BCR: variants seen among roughly 807,000 people sequenced by gnomAD.
The protein encoded by BCR is BCR activator of RhoGEF and GTPase.
A neutral mutation model predicts 138.6 loss-of-function variants in BCR; 58 were observed. That is an observed-to-expected ratio of 0.42 (90% CI 0.34 to 0.52). The LOEUF (loss-of-function observed/expected upper bound fraction) is 0.52. BCR is among the 20% of genes least tolerant of loss of function. The probability of loss-of-function intolerance (pLI) is 0.06; values close to 1 mark genes in which losing one functional copy is unlikely to be tolerated. For missense variants in BCR, 1,599 were observed against 1,727.2 expected, an observed-to-expected ratio of 0.93 and a Z score of 1.32; for synonymous variants, 786 against 730.1, an observed-to-expected ratio of 1.08 and a Z score of -1.23.
chr22:23,299,646 CAT>C (rs2073882756), intron 16 of BCR, among the ~76,000 whole-genome samples: 1 of 151,692 alleles, frequency 6.6e-6, no homozygotes, highest in Admixed American at 6.6e-5. Context: ...ATAAAACATA[CAT>C]CTGTATCTGT....
chr22:23,197,838 G>A (rs1246974154), intron 1 of BCR, among the ~76,000 whole-genome samples: 3 of 151,932 alleles, frequency 2.0e-5, no homozygotes, highest in Non-Finnish European at 4.4e-5. Flanking sequence ...AATGGGGAGG[G>A]ATGGAGAGGA....
rs2074009358 is a variant in BCR, at chr22:23,311,680, A to C, written c.3183-17A>C. The C allele has an allele frequency of 6.3e-7, 1 of 1,578,390 alleles. No individual in the cohort carries two copies. The highest frequency in any genetic ancestry group is 1.1e-5 in the South Asian group (1 of 89,440). On this transcript the variant is annotated splice_polypyrimidine_tract_variant and intron_variant, in intron 18 of 22. Coordinates refer to ENST00000305877, the MANE Select transcript of BCR (RefSeq NM_004327.4). ...GCAGGGCTGTTAGGACACTGAGAAC[A>C]TTCCCTCCTCCCGCAGGAGAGAGAG...
At chr22:23,263,000 GA>G in intron 4 of BCR, 1 of 848,514 alleles carries the variant, frequency 1.2e-6, no homozygotes, top group East Asian at 3.4e-5. Flanking sequence ...TAGGGGCCGG[GA>G]AAGAGGCACA....
At chr22:23,187,829 G>A (rs2072365558) in intron 1 of BCR, among the ~76,000 whole-genome samples, 1 of 152,212 alleles carries the variant, frequency 6.6e-6, no homozygotes, top group African/African-American at 2.4e-5. Flanking sequence ...AGCCCAATGT[G>A]CCTGTCAACT....
intron 1 of BCR, among the ~76,000 whole-genome samples, chr22:23,231,762 G>A (rs1301762276): frequency 1.3e-5 from 2 of 152,170 alleles, no homozygotes; most frequent in Non-Finnish European, 2.9e-5. Flanking sequence ...TGGAGCAAAT[G>A]GGCCTGTGAG....
At chr22:23,234,356 G>A (rs1014803951) in intron 1 of BCR, among the ~76,000 whole-genome samples, 6 of 152,170 alleles carry the variant, frequency 3.9e-5, no homozygotes, top group African/African-American at 1.2e-4. Context: ...GGCCCCATGC[G>A]TTGAATAAGT....
At chr22:23,275,429 G>A (rs889126953) in intron 8 of BCR, among the ~76,000 whole-genome samples, 1 of 152,236 alleles carries the variant, frequency 6.6e-6, no homozygotes, top group Non-Finnish European at 1.5e-5. Context: ...TGATTTAGTG[G>A]CAGTCCTCGC....
At chr22:23,208,799 G>C (rs950735207) in intron 1 of BCR, among the ~76,000 whole-genome samples, 1 of 152,144 alleles carries the variant, frequency 6.6e-6, no homozygotes, top group East Asian at 1.9e-4. Flanking sequence ...AGGTTGCAGC[G>C]AACTGAGATC....
Position 23,284,060 on chromosome 22 carries a change from C to T in BCR, c.2199C>T (p.Asp733=), listed in dbSNP as rs1455689216. The part of the protein sequence containing the change: ...RKLRHVFLFT[D]LLLCTKLKKQ... ...TGCGCCACGTCTTCCTGTTCACCGA[C>T]CTGCTTCTCTGCACCAAGCTCAAGA... Residue 733 remains aspartate, a synonymous_variant, in exon 9 of 23, where the codon GAC becomes GAT. Coordinates refer to ENST00000305877, the MANE Select transcript of BCR (RefSeq NM_004327.4). The T allele has an allele frequency of 1.9e-6, 3 of 1,611,254 alleles. No homozygotes were observed. Among genetic ancestry groups the T allele is most frequent in the African/African-American group, 2.7e-5 (2 of 74,996 alleles).
intron 12 of BCR, among the ~76,000 whole-genome samples, chr22:23,289,065 TC>T (rs1381933242): frequency 6.6e-6 from 1 of 152,206 alleles, no homozygotes; most frequent in Non-Finnish European, 1.5e-5. Context: ...CCCAGCCATT[TC>T]CAGAGTGGCA....
At chr22:23,262,288 GAC>G (rs1470121325) in intron 4 of BCR, among the ~76,000 whole-genome samples, 1 of 152,230 alleles carries the variant, frequency 6.6e-6, no homozygotes, top group Non-Finnish European at 1.5e-5. Context: ...GGACTACCGA[GAC>G]ACACAGCTCT....
chr22:23,223,593 T>C lies in BCR; in HGVS notation c.1280-30206T>C, dbSNP rs184292379. 1.5e-3 allele frequency among the ~76,000 whole-genome samples: 233 copies of C among 152,256 alleles called. 4 individuals carry two copies. The highest frequency in any genetic ancestry group is 2.8e-3 in the Non-Finnish European group (187 of 67,986). The stretch of plus-strand genomic sequence containing the variant: ...TATTCTGGCTGGCTGAGCCCTAGGC[T>C]GCCGGTGCAGGGGGTACTCAGGGAG... On this transcript the variant is annotated intron_variant, in intron 1 of 22. Transcript: ENST00000305877.
Position 23,288,162 on chromosome 22 carries a change from G to A in BCR, c.2592G>A (p.Gln864=). 6.2e-7 allele frequency: 1 copy of A among 1,614,030 alleles called. No homozygotes were observed. Among genetic ancestry groups the A allele is most frequent in the African/African-American group, 1.3e-5 (1 of 75,024 alleles). The change falls in exon 12 of 23, where the codon CAG becomes CAA. Residue 864 remains glutamine (Q), a synonymous_variant. Transcript: ENST00000305877. ...RAEWRENIRE[Q]QKKCFRSFSL... ...AGTGGAGGGAGAACATCCGGGAGCA[G>A]CAGAAGAAGTGTGAGTATCCTCTGT...
intron 2 of BCR, among the ~76,000 whole-genome samples, chr22:23,254,916 G>A (rs6003591): frequency 0.26 from 38,935 of 152,002 alleles, 5,618 homozygotes; most frequent in African/African-American, 0.37. Context: ...TAATCCCAGC[G>A]ACTCAGGAGG....
chr22:23,254,031 A>C (rs2073264706), intron 2 of BCR, 51 bp downstream of exon 2: 5 of 1,554,130 alleles, frequency 3.2e-6, no homozygotes, highest in Non-Finnish European at 4.4e-6. Flanking sequence ...AGGCTCCCTG[A>C]AGCGCAGCCC....
rs930624960 is a variant in BCR at position 23,235,116 on chromosome 22, T to G, written c.1280-18683T>G. Among the ~76,000 whole-genome samples the G allele has an allele frequency of 6.2e-5, 9 of 144,018 alleles. 2 individuals carry two copies. Among genetic ancestry groups the G allele is most frequent in the Non-Finnish European group, 1.4e-4 (9 of 63,314 alleles). The allele number at this position is 144,018 out of a possible 152,430, so 94.5% of individuals were successfully genotyped here. A position where few individuals can be genotyped will look rare whatever the true frequency, so the allele number is the denominator to read the frequency against. On this transcript the variant is annotated intron_variant, in intron 1 of 22. Transcript: ENST00000305877. ...GTGGGGTTTTTTGTTTTGTTTTGTT[T>G]TTTTGAGATGGAGTCTCTCGCTCTG...
intron 1 of BCR, among the ~76,000 whole-genome samples, chr22:23,245,127 C>A (rs1371421946): frequency 2.0e-5 from 3 of 152,232 alleles, no homozygotes; most frequent in Non-Finnish European, 4.4e-5. Flanking sequence ...GCTCAACCTT[C>A]AAGCAGGCAG....
At chr22:23,269,506 G>A (rs945264872) in intron 5 of BCR, among the ~76,000 whole-genome samples, 2 of 152,236 alleles carry the variant, frequency 1.3e-5, no homozygotes, top group Admixed American at 6.5e-5. Flanking sequence ...TTGTTGCTGA[G>A]GCTTTGTGCC....
At position 23,253,938 on chromosome 22, in the gene BCR, C is replaced by T; in HGVS notation, c.1419C>T (p.Ser473=). The T allele has an allele frequency of 6.2e-7, 1 of 1,613,162 alleles. No individual in the cohort carries two copies. Among genetic ancestry groups the T allele is most frequent in the Non-Finnish European group, 8.5e-7 (1 of 1,179,978 alleles). The part of the protein sequence containing the change: ...SPHLSSKGRG[S]RDALVSGALE... ...ACCTCAGCAGCAAGGGCAGGGGCAG[C>T]CGGGATGCGCTGGTCTCGGGAGCCC... Residue 473 remains serine (S), a synonymous_variant, in exon 2 of 23, where the codon AGC becomes AGT. Transcript: ENST00000305877.
Sources: allele counts gnomAD v4.1 joint callset (sites outside exome capture counted in the v4.1 genomes callset), GRCh38; gene constraint gnomAD v4.1.1; transcripts MANE v1.5; gene names NCBI Gene and HGNC (gene_info 2026-07-23, HGNC 2026-07-21).